Variants in EFEMP1 observed in about 807,000 individuals in gnomAD.
The protein encoded by EFEMP1 is EGF-like fibulin extracellular matrix protein 1, also known as EGF-containing fibulin-like extracellular matrix protein 1.
In EFEMP1, 18 loss-of-function variants were observed where a neutral mutation model predicts 65.7. The ratio of observed to expected loss-of-function variants is 0.27; its 90% CI spans 0.19 to 0.41. The LOEUF (loss-of-function observed/expected upper bound fraction) is 0.41, where lower values mean the gene tolerates loss of function less well. Ranked by LOEUF, EFEMP1 falls within the 10% of genes least tolerant of loss-of-function variation. EFEMP1 has a pLI of 1.00. For synonymous variants in EFEMP1, 237 were observed against 219.7 expected (o/e 1.08, Z -0.70); for missense variants, 469 against 624.8 (o/e 0.75, Z 2.66).
chr2:55,874,046 C>G (rs907770175), intron 9 of EFEMP1, among the ~76,000 whole-genome samples: 1 of 152,074 alleles, frequency 6.6e-6, no homozygotes, highest in Non-Finnish European at 1.5e-5. Flanking sequence ...TGTTATTCCA[C>G]TAAATTCCCA....
At chr2:55,891,705 A>T (rs1669635011) in intron 5 of EFEMP1, among the ~76,000 whole-genome samples, 1 of 152,092 alleles carries the variant, frequency 6.6e-6, no homozygotes, top group African/African-American at 2.4e-5. Context: ...TTGAGCAGGA[A>T]AACAGTTACG....
intron 5 of EFEMP1, among the ~76,000 whole-genome samples, chr2:55,891,263 C>G (rs1284954617): frequency 6.6e-6 from 1 of 152,062 alleles, no homozygotes; most frequent in Non-Finnish European, 1.5e-5. Flanking sequence ...TGGAAATACA[C>G]AAACGATTCA....
chr2:55,871,395 C>A lies in EFEMP1; in HGVS notation c.1001-272G>T, dbSNP rs914748745. Among the ~76,000 whole-genome samples the A allele has an allele frequency of 6.6e-6, 1 of 152,104 alleles. No homozygotes were observed. The highest frequency in any genetic ancestry group is 6.6e-5 in the Admixed American group (1 of 15,258). On this transcript the variant is annotated intron_variant, in intron 9 of 11. Transcript: ENST00000355426. The surrounding 1 kb of genome is among the most constrained non-coding windows in gnomAD (Gnocchi z 4.2). ...GTTGAATTCAAACCCCAATGTTAAC[C>A]ACTGACTCTGCCTATATAAAAGTTA...
intron 5 of EFEMP1, among the ~76,000 whole-genome samples, chr2:55,899,886 T>G (rs1219253669): frequency 6.6e-6 from 1 of 152,138 alleles, no homozygotes; most frequent in Admixed American, 6.5e-5. Context: ...GAACAATTTC[T>G]GGGGGGGAAG....
chr2:55,902,617 C>G (rs1165630123), intron 5 of EFEMP1, among the ~76,000 whole-genome samples: 1 of 152,232 alleles, frequency 6.6e-6, no homozygotes, highest in Non-Finnish European at 1.5e-5. Context: ...CTGCAGTGAT[C>G]TAGCTTTTAA....
intron 11 of EFEMP1, among the ~76,000 whole-genome samples, chr2:55,869,031 C>T (rs952188175): frequency 6.6e-6 from 1 of 151,966 alleles, no homozygotes; most frequent in African/African-American, 2.4e-5. Context: ...AACATTAACT[C>T]TGGAAATATC....
intron 5 of EFEMP1, among the ~76,000 whole-genome samples, chr2:55,892,061 T>C (rs749539484): frequency 3.3e-5 from 5 of 152,050 alleles, no homozygotes; most frequent in Non-Finnish European, 7.4e-5. Flanking sequence ...GAATATTAGC[T>C]CAAGGAGTGC....
In EFEMP1 at chr2:55,910,988, A is replaced by T. The variant is rs558380007; in HGVS notation, c.517+6677T>A. Among the ~76,000 whole-genome samples, 3 of 152,338 alleles carry T rather than the reference A, an allele frequency of 2.0e-5. No homozygotes were observed. In the South Asian group the frequency reaches 6.2e-4, roughly 32 times the overall value. On this transcript the variant is annotated intron_variant, in intron 5 of 11. Transcript: ENST00000355426. ...AGTTTGTGCCATGAACTTAAGGAGG[A>T]GCCCTATAGAAGATATAGGTATCAC...
At position 55,883,890 on chromosome 2, in the gene EFEMP1, A is replaced by G. The variant is rs1299616495; in HGVS notation, c.518-2156T>C. Among the ~76,000 whole-genome samples, 2 of 152,192 alleles carry G rather than the reference A, an allele frequency of 1.3e-5. No individual in the cohort carries two copies. The highest frequency in any genetic ancestry group is 2.9e-5 in the Non-Finnish European group (2 of 68,044). On this transcript the variant is annotated intron_variant, in intron 5 of 11. Transcript: ENST00000355426. The surrounding 1 kb of genome is among the most constrained non-coding windows in gnomAD (Gnocchi z 4.5). Reference sequence around the variant, plus strand: ...TAAAAATATTAGGTGAGTTAAATTAATAAAAACAAACAACAACAAAAAACA... The same window carrying G: ...TAAAAATATTAGGTGAGTTAAATTAGTAAAAACAAACAACAACAAAAAACA...
At position 55,923,778 on chromosome 2, in the gene EFEMP1, G is replaced by A; in HGVS notation, c.-116C>T. On this transcript the variant is annotated 5_prime_UTR_variant, in exon 1 of 12. Coordinates refer to ENST00000355426, the MANE Select transcript of EFEMP1 (RefSeq NM_001039348.3). The surrounding 1 kb of genome is among the most constrained non-coding windows in gnomAD (Gnocchi z 5.3). ...GTGCGCAGGGGAGGGCAGCCCCGTG[G>A]GTCTGATCTGGCGAAGTCCGGCAGC... 2.0e-6 allele frequency: 2 copies of A among 986,572 alleles called. No individual in the cohort carries two copies. The highest frequency in any genetic ancestry group is 2.4e-6 in the Non-Finnish European group (2 of 830,852). 61.1% of individuals were successfully genotyped at this position (986,572 alleles called of 1,614,324 possible).
At chr2:55,869,434 A>G (rs1668715708) in intron 11 of EFEMP1, among the ~76,000 whole-genome samples, 1 of 152,170 alleles carries the variant, frequency 6.6e-6, no homozygotes. Context: ...TTAAAGAACT[A>G]TAATATATTC....
chr2:55,890,888 T>G lies in EFEMP1; in HGVS notation c.518-9154A>C, dbSNP rs182451058. 2.1e-3 allele frequency among the ~76,000 whole-genome samples: 314 copies of G among 152,218 alleles called. 1 individual carries two copies. Among genetic ancestry groups the G allele is most frequent in the East Asian group, 2.7e-3 (14 of 5,184 alleles). Reference sequence around the variant, plus strand: ...ACAAGAGAAGAAAACATAGATGAGATCTATATCTGAGATCATCTTCAGGGT... The same window carrying G: ...ACAAGAGAAGAAAACATAGATGAGAGCTATATCTGAGATCATCTTCAGGGT... On this transcript the variant is annotated intron_variant, in intron 5 of 11. Transcript: ENST00000355426.
At chr2:55,894,736 G>C (rs1336167137) in intron 5 of EFEMP1, among the ~76,000 whole-genome samples, 1 of 151,902 alleles carries the variant, frequency 6.6e-6, no homozygotes, top group Non-Finnish European at 1.5e-5. Flanking sequence ...CTTCATTATA[G>C]CTGAAGGTAA....
At chr2:55,876,768 A>G in intron 7 of EFEMP1, 26 bp from the exon 8 acceptor site, 2 of 1,292,170 alleles carry the variant, frequency 1.5e-6, no homozygotes, top group Non-Finnish European at 1.1e-6. Context: ...ATATATATAT[A>G]TATGTATATG....
chr2:55,896,996 C>T (rs115666896), intron 5 of EFEMP1, among the ~76,000 whole-genome samples: 3,248 of 152,302 alleles, frequency 0.021, 67 homozygotes, highest in South Asian at 0.077. Context: ...GCAAATGCTG[C>T]TCCCTCTGCC....
rs997820272 is a variant in EFEMP1 at position 55,871,198 on chromosome 2, A to T, written c.1001-75T>A. The T allele has an allele frequency of 4.8e-5, 77 of 1,601,488 alleles. No individual in the cohort carries two copies. In the Middle Eastern group the frequency reaches 8.3e-4, roughly 17 times the overall value. The stretch of plus-strand genomic sequence containing the variant: ...TCTAATTAAATCATATAACTGGCAG[A>T]TTCTGTTTGCAAGGAAGGAGGTGTG... On this transcript the variant is annotated intron_variant, in intron 9 of 11. Transcript: ENST00000355426. The surrounding 1 kb of genome is among the most constrained non-coding windows in gnomAD (Gnocchi z 4.2).
chr2:55,911,824 A>G (rs1482072603), intron 5 of EFEMP1, among the ~76,000 whole-genome samples: 1 of 152,272 alleles, frequency 6.6e-6, no homozygotes, highest in South Asian at 2.1e-4. Context: ...TTTTAAGAAC[A>G]CTTTCTGACT....
intron 6 of EFEMP1, among the ~76,000 whole-genome samples, chr2:55,880,445 C>T (rs752535974): frequency 4.6e-5 from 7 of 152,190 alleles, no homozygotes; most frequent in Non-Finnish European, 8.8e-5. Context: ...GAGTTTTCTA[C>T]ACACTCTTCT....
At position 55,870,351 on chromosome 2, in the gene EFEMP1, TG is replaced by T. The variant is rs1668755343; in HGVS notation, c.1320+368del. Among the ~76,000 whole-genome samples the T allele has an allele frequency of 1.3e-5, 1 of 77,328 alleles. No individual in the cohort carries two copies. The highest frequency in any genetic ancestry group is 2.4e-5 in the Non-Finnish European group (1 of 40,854). The allele number at this position is 77,328 out of a possible 152,430, so 50.7% of individuals were successfully genotyped here. A position where few individuals can be genotyped will look rare whatever the true frequency, so the allele number is the denominator to read the frequency against. On this transcript the variant is annotated intron_variant, in intron 11 of 11. Coordinates refer to ENST00000355426, the MANE Select transcript of EFEMP1 (RefSeq NM_001039348.3). The surrounding 1 kb of genome is among the most constrained non-coding windows in gnomAD (Gnocchi z 5.8). ...CCATCAATGATTAGTGATACCTACT[TG>T]GGGGGTATGTTGGGTGGGGGCAGAG...
Sources: allele counts gnomAD v4.1 joint callset (sites outside exome capture counted in the v4.1 genomes callset), GRCh38; gene constraint gnomAD v4.1.1; non-coding constraint Gnocchi (gnomAD v3.1); transcripts MANE v1.5; gene names NCBI Gene and HGNC (gene_info 2026-07-23, HGNC 2026-07-21).